Variants in ZNF653 observed in about 807,000 individuals in gnomAD.
ZNF653 encodes zinc finger protein 653, also known as 67 kDa zinc finger protein.
A neutral mutation model predicts 59.9 loss-of-function variants in ZNF653; 37 were observed. The observed-to-expected ratio is 0.62, with a 90% confidence interval of 0.48 to 0.81. The LOEUF (loss-of-function observed/expected upper bound fraction) is 0.81, where lower values mean the gene tolerates loss of function less well. Ranked by LOEUF, ZNF653 falls within the 40% of genes least tolerant of loss-of-function variation. The pLI is 0.00. For missense variants in ZNF653, 808 were observed against 881.1 expected (o/e 0.92, Z 1.05); for synonymous variants, 435 against 371.8 (o/e 1.17, Z -1.96).
chr19:11,493,154 T>A (rs544823600), intron 3 of ZNF653, among the ~76,000 whole-genome samples: 54 of 151,372 alleles, frequency 3.6e-4, no homozygotes, highest in Middle Eastern at 3.4e-3. Flanking sequence ...GCCTCCTGGG[T>A]TTCAGTGATT....
chr19:11,502,226 C>T (rs1025716760), intron 1 of ZNF653, among the ~76,000 whole-genome samples: 23 of 151,750 alleles, frequency 1.5e-4, no homozygotes, highest in Admixed American at 1.3e-4. Flanking sequence ...CAAGCAGCTG[C>T]GACTACAGGC....
intron 1 of ZNF653, among the ~76,000 whole-genome samples, chr19:11,501,143 A>G (rs1599568636): frequency 6.7e-6 from 1 of 148,184 alleles, no homozygotes; most frequent in Non-Finnish European, 1.5e-5. Flanking sequence ...TCATTTTGAT[A>G]CCCACCTTCC....
intron 3 of ZNF653, among the ~76,000 whole-genome samples, chr19:11,493,099 C>A (rs1297295746): frequency 6.7e-6 from 1 of 150,090 alleles, no homozygotes; most frequent in African/African-American, 2.5e-5. Flanking sequence ...GCTCTGTTGC[C>A]CAGGCTGGAA....
At chr19:11,490,056 C>T (rs1971514433) in intron 3 of ZNF653, among the ~76,000 whole-genome samples, 1 of 152,214 alleles carries the variant, frequency 6.6e-6, no homozygotes, top group African/African-American at 2.4e-5. Flanking sequence ...CACAAGACCG[C>T]CGGACTTCAG....
chr19:11,485,828 G>A (rs1252088092), intron 6 of ZNF653, 58 bp from the exon 7 acceptor site: 1 of 1,401,526 alleles, frequency 7.1e-7, no homozygotes, highest in Admixed American at 1.7e-5. Context: ...GCTCTGGGAG[G>A]TGGGGAGAGA....
intron 6 of ZNF653, 96 bp from the exon 7 acceptor site, chr19:11,485,866 C>G: frequency 1.1e-6 from 1 of 937,460 alleles, no homozygotes; most frequent in African/African-American, 1.6e-5. Context: ...CAGGCTGGGG[C>G]TGGCCTCCCC....
rs1013266826 is a variant in ZNF653 at position 11,495,819 on chromosome 19, G to A, written c.559+131C>T. 4.2e-6 allele frequency: 4 copies of A among 955,798 alleles called. No individual in the cohort carries two copies. The highest frequency in any genetic ancestry group is 2.3e-5 in the Admixed American group (1 of 44,036). 59.2% of individuals were successfully genotyped at this position (955,798 alleles called of 1,614,324 possible). ...ACTCAGCCTGGCCCATCGTGTCCCT[G>A]CTCTGCCCCAGTGCCAGAGCCAGAG... On this transcript the variant is annotated intron_variant, in intron 3 of 8. Transcript: ENST00000293771. The surrounding 1 kb of genome is among the most constrained non-coding windows in gnomAD (Gnocchi z 4.9).
intron 1 of ZNF653, among the ~76,000 whole-genome samples, chr19:11,502,552 A>G (rs1030664303): frequency 8.5e-5 from 13 of 152,208 alleles, no homozygotes; most frequent in African/African-American, 2.9e-4. Flanking sequence ...TCTAAAATAC[A>G]AACCAGGCTG....
rs1179459757 is a variant in ZNF653, at chr19:11,487,381, C to T, written c.1082G>A (p.Gly361Asp). 6.2e-7 allele frequency: 1 copy of T among 1,612,854 alleles called. No individual in the cohort carries two copies. Among genetic ancestry groups the T allele is most frequent in the Non-Finnish European group, 8.5e-7 (1 of 1,179,904 alleles). ...GEEVPCAMME[G>D]VAAYTQTEPE... Reference sequence around the variant, plus strand: ...CTCTGTCTGGGTGTAGGCTGCCACACCCTCCATCATGGCACAGGGCACCTC... The same window carrying T: ...CTCTGTCTGGGTGTAGGCTGCCACATCCTCCATCATGGCACAGGGCACCTC... The change falls in exon 4 of 9, where the codon GGT becomes GAT. Residue 361 changes from glycine (G) to aspartate (D), a missense_variant. By Grantham distance (94) the Gly-to-Asp change is moderately conservative (BLOSUM62 -1). Coordinates refer to ENST00000293771, the MANE Select transcript of ZNF653 (RefSeq NM_138783.4). The surrounding 1 kb of genome is among the most constrained non-coding windows in gnomAD (Gnocchi z 5.1).
At position 11,487,021 on chromosome 19, in the gene ZNF653, C is replaced by T; in HGVS notation, c.1309G>A (p.Ala437Thr). 3 of 1,614,102 alleles carry T rather than the reference C, an allele frequency of 1.9e-6. No individual in the cohort carries two copies. In the African/African-American group the frequency reaches 4.0e-5, roughly 22 times the overall value. ...GEELDGSDMS[A>T]IIYEIPKEPE... ...TCCTTGGGGATTTCATAGATGATGG[C>T]TGACATGTCGCTGCCGTCCAGCTCC... The change falls in exon 5 of 9, where the codon GCC (alanine) becomes ACC (threonine). Residue 437 changes from alanine to threonine, a missense_variant. Physicochemically the swap from Ala to Thr is moderately conservative, Grantham distance 58. Transcript: ENST00000293771. This position sits in a 1 kb window ranked among gnomAD's most constrained non-coding sequence, Gnocchi z 5.1.
At chr19:11,486,636 G>A in intron 6 of ZNF653, 133 bp downstream of exon 6, 1 of 723,506 alleles carries the variant, frequency 1.4e-6, no homozygotes, top group Non-Finnish European at 2.3e-6. Context: ...CCTGGGGTGT[G>A]ACAAGTCCCT....
At chr19:11,498,829 C>T (rs1199696119) in intron 1 of ZNF653, among the ~76,000 whole-genome samples, 2 of 150,204 alleles carry the variant, frequency 1.3e-5, no homozygotes, top group Non-Finnish European at 3.0e-5. Flanking sequence ...ACTGCAACCT[C>T]CGCCTCCCAG....
intron 7 of ZNF653, 82 bp from the exon 8 acceptor site, chr19:11,484,223 G>A (rs918060358): frequency 9.9e-6 from 11 of 1,112,090 alleles, no homozygotes; most frequent in Non-Finnish European, 1.5e-5. Context: ...GCTAGAAGGA[G>A]CATCAGGCTG....
intron 1 of ZNF653, chr19:11,505,257 G>T: frequency 2.2e-6 from 1 of 453,900 alleles, no homozygotes; most frequent in Non-Finnish European, 3.8e-6. Context: ...CTCAGAAGGC[G>T]GGTCGAGGGG....
In ZNF653 at chr19:11,498,296, T is replaced by G. The variant is rs1321626937; in HGVS notation, c.343A>C (p.Arg115=). ...TCCCCCAGGCTGAGCCTCCACTTACTTTTCTTCCGCTTTGGCTTTTTGGGG... is the reference window on the plus strand; with the variant it reads ...TCCCCCAGGCTGAGCCTCCACTTACGTTTCTTCCGCTTTGGCTTTTTGGGG... The part of the protein sequence containing the change: ...QVPKKPKRKK[R]RRRNVNCLKN... The change falls in exon 2 of 9, where the codon AGG becomes CGG. Residue 115 remains arginine (R), a splice_region_variant and synonymous_variant. Transcript: ENST00000293771. 6.2e-7 allele frequency: 1 copy of G among 1,613,970 alleles called. No individual in the cohort carries two copies. The highest frequency in any genetic ancestry group is 1.7e-5 in the Admixed American group (1 of 60,008).
chr19:11,486,732 T>A, intron 6 of ZNF653, 37 bp downstream of exon 6: 1 of 1,534,918 alleles, frequency 6.5e-7, no homozygotes, highest in Non-Finnish European at 8.9e-7. Context: ...CTGGGCCTTG[T>A]GGGCCTGGCC....
At chr19:11,486,097 C>A (rs897436532) in intron 6 of ZNF653, among the ~76,000 whole-genome samples, 1 of 152,062 alleles carries the variant, frequency 6.6e-6, no homozygotes, top group Non-Finnish European at 1.5e-5. Flanking sequence ...AGTACAGGCG[C>A]CCGCCACCAC....
intron 7 of ZNF653, 118 bp from the exon 8 acceptor site, chr19:11,484,259 G>C: frequency 1.2e-6 from 1 of 805,432 alleles, no homozygotes; most frequent in Non-Finnish European, 2.0e-6. Flanking sequence ...CAGGACTGCA[G>C]GTGCAGGCCG....
At chr19:11,489,059 C>T (rs112532314) in intron 3 of ZNF653, among the ~76,000 whole-genome samples, 1 of 151,796 alleles carries the variant, frequency 6.6e-6, no homozygotes, top group African/African-American at 2.4e-5. Flanking sequence ...ACCACCACAC[C>T]TGGCTAATTT....
Sources: allele counts gnomAD v4.1 joint callset (sites outside exome capture counted in the v4.1 genomes callset), GRCh38; gene constraint gnomAD v4.1.1; non-coding constraint Gnocchi (gnomAD v3.1); transcripts MANE v1.5; gene names NCBI Gene and HGNC (gene_info 2026-07-23, HGNC 2026-07-21).